The following SWAP70 variants were observed in gnomAD, a reference collection of about 807,000 sequenced individuals.
SWAP70 encodes the protein switching B cell complex subunit SWAP70.
In SWAP70, 34 loss-of-function variants were observed where a neutral mutation model predicts 80.2. The observed-to-expected ratio is 0.42, with a 90% CI of 0.32 to 0.56. The LOEUF (loss-of-function observed/expected upper bound fraction) is 0.56, where lower values mean the gene tolerates loss of function less well. Among genes scored for constraint, SWAP70 ranks in the 20% least tolerant of loss-of-function variants. The probability of loss-of-function intolerance (pLI) is 0.09; values close to 1 mark genes in which losing one functional copy is unlikely to be tolerated. For missense variants in SWAP70, 578 were observed against 690.7 expected, an observed-to-expected ratio of 0.84 and a Z score of 1.83; for synonymous variants, 239 against 238.5, an observed-to-expected ratio of 1.00 and a Z score of -0.02.
intron 1 of SWAP70, among the ~76,000 whole-genome samples, chr11:9,680,747 A>G (rs1215460672): frequency 6.6e-6 from 1 of 151,956 alleles, no homozygotes; most frequent in Non-Finnish European, 1.5e-5. Context: ...TGGATATAGT[A>G]TTTAAGTTAA....
At chr11:9,673,976 T>C (rs976055037) in intron 1 of SWAP70, among the ~76,000 whole-genome samples, 6 of 152,202 alleles carry the variant, frequency 3.9e-5, no homozygotes, top group Admixed American at 3.9e-4. Context: ...CTTGGCTCAC[T>C]GCAACCTCTG....
intron 1 of SWAP70, among the ~76,000 whole-genome samples, chr11:9,686,600 T>G (rs1361361665): frequency 2.0e-5 from 3 of 151,868 alleles, no homozygotes; most frequent in Non-Finnish European, 2.9e-5. Context: ...CCTCCTCCCT[T>G]GGCCTCCCTC....
intron 1 of SWAP70, among the ~76,000 whole-genome samples, chr11:9,672,708 T>A (rs1260034312): frequency 1.3e-5 from 2 of 152,046 alleles, no homozygotes; most frequent in Non-Finnish European, 2.9e-5. Context: ...AGAATGGTAT[T>A]CGTTTAGATA....
intron 1 of SWAP70, among the ~76,000 whole-genome samples, chr11:9,686,864 G>C (rs867912205): frequency 2.6e-4 from 39 of 152,088 alleles, no homozygotes; most frequent in Admixed American, 1.2e-3. Flanking sequence ...TACCTGCCCT[G>C]TCCCCCAAAC....
intron 5 of SWAP70, among the ~76,000 whole-genome samples, chr11:9,728,808 T>G (rs189768419): frequency 1.1e-3 from 172 of 152,328 alleles, no homozygotes; most frequent in African/African-American, 4.0e-3. Context: ...TAATAATGTC[T>G]TGAGATGTGT....
rs116560099 is a variant in SWAP70, at chr11:9,689,947, G to A, written c.100-4199G>A. On this transcript the variant is annotated intron_variant, in intron 1 of 11. Transcript: ENST00000318950. ...ACAACTCACGGGCGTGTCCATCTTTGTATTGGCAGGGCTATCTGTTTTTCC... is the reference window on the plus strand; with the variant it reads ...ACAACTCACGGGCGTGTCCATCTTTATATTGGCAGGGCTATCTGTTTTTCC... Among the ~76,000 whole-genome samples, 478 of 152,270 alleles carry A rather than the reference G, an allele frequency of 3.1e-3. 1 individual carries two copies. The highest frequency in any genetic ancestry group is 0.011 in the African/African-American group (437 of 41,550).
intron 2 of SWAP70, among the ~76,000 whole-genome samples, chr11:9,700,679 TTAACTG>T (rs1243757516): frequency 1.3e-5 from 2 of 152,200 alleles, no homozygotes; most frequent in African/African-American, 4.8e-5. Flanking sequence ...CAGTGTTTCT[TTAACTG>T]TACTATTGAA....
At chr11:9,709,420 C>T (rs2134469501) in intron 2 of SWAP70, among the ~76,000 whole-genome samples, 1 of 152,392 alleles carries the variant, frequency 6.6e-6, no homozygotes, top group South Asian at 2.1e-4. Flanking sequence ...TGAGCCACCA[C>T]ACCTTGCTGA....
rs1434921760 is a variant in SWAP70 at position 9,751,424 on chromosome 11, A to G, written c.*1454A>G. ...GAAATCAAGCCTTCTAACACTAGTT[A>G]TAATTGAGAAGCAACAGTAACTCCG... is the stretch of plus-strand genomic sequence containing the variant. On this transcript the variant is annotated 3_prime_UTR_variant, in exon 12 of 12. Transcript: ENST00000318950. 6.6e-6 allele frequency: 1 copy of G among 152,258 alleles called. No individual in the cohort carries two copies. The highest frequency in any genetic ancestry group is 1.5e-5 in the Non-Finnish European group (1 of 68,042). The allele number at this position is 152,258 out of a possible 1,614,324, so 9.4% of individuals were successfully genotyped here.
At chr11:9,731,957 A>C (rs901141946) in intron 6 of SWAP70, among the ~76,000 whole-genome samples, 2 of 152,238 alleles carry the variant, frequency 1.3e-5, no homozygotes, top group Non-Finnish European at 2.9e-5. Context: ...GTTGTATAAC[A>C]GTTAGATAAT....
At chr11:9,678,347 G>A (rs551134274) in intron 1 of SWAP70, among the ~76,000 whole-genome samples, 5 of 151,956 alleles carry the variant, frequency 3.3e-5, no homozygotes, top group East Asian at 3.9e-4. Context: ...AAATAGTAAG[G>A]GCAGCTCTCT....
At chr11:9,669,378 C>T (rs1199495013) in intron 1 of SWAP70, among the ~76,000 whole-genome samples, 1 of 152,148 alleles carries the variant, frequency 6.6e-6, no homozygotes, top group Non-Finnish European at 1.5e-5. Flanking sequence ...TACAGATGTG[C>T]ACCACCATGT....
intron 7 of SWAP70, among the ~76,000 whole-genome samples, chr11:9,737,466 T>TA (rs1851377512): frequency 6.6e-6 from 1 of 152,220 alleles, no homozygotes; most frequent in South Asian, 2.1e-4. Context: ...TTTCACCAGT[T>TA]ATGGTTGTTT....
chr11:9,733,243 C>G (rs947198475), intron 7 of SWAP70, among the ~76,000 whole-genome samples: 1 of 152,200 alleles, frequency 6.6e-6, no homozygotes, highest in Admixed American at 6.5e-5. Context: ...GGGAACACTT[C>G]CTCGGTTATG....
At chr11:9,747,703 A>G (rs1448875099) in intron 9 of SWAP70, among the ~76,000 whole-genome samples, 155 bp from the exon 10 acceptor site, 1 of 152,254 alleles carries the variant, frequency 6.6e-6, no homozygotes, top group Non-Finnish European at 1.5e-5. Flanking sequence ...AGCTTTGTGA[A>G]TATGAGCTTC....
At chr11:9,669,207 A>T (rs764005593) in intron 1 of SWAP70, among the ~76,000 whole-genome samples, 1 of 152,200 alleles carries the variant, frequency 6.6e-6, no homozygotes, top group Non-Finnish European at 1.5e-5. Context: ...GGATGTGATT[A>T]TGTAGGAATG....
At chr11:9,705,400 C>CTGGTGATCTGTGTACACT in intron 2 of SWAP70, among the ~76,000 whole-genome samples, 1 of 132,880 alleles carries the variant, frequency 7.5e-6, no homozygotes, top group Admixed American at 7.1e-5. Context: ...TCTGTATACA[C>CTGGTGATCTGTGTACACT]TGGTGATCTG....
chr11:9,728,080 C>A lies in SWAP70; in HGVS notation c.670C>A (p.Arg224=). ...TTACATGATGAAAAAGGGCCACAGA[C>A]GGAAAAACTGGACTGAAAGATGGTT... ...QGYMMKKGHR[R]KNWTERWFVL... The change falls in exon 5 of 12, where the codon CGG becomes AGG. Residue 224 remains arginine (R), a synonymous_variant. Coordinates refer to ENST00000318950, the MANE Select transcript of SWAP70 (RefSeq NM_015055.4). 6.2e-7 allele frequency: 1 copy of A among 1,609,634 alleles called. No homozygotes were observed. Among genetic ancestry groups the A allele is most frequent in the Non-Finnish European group, 8.5e-7 (1 of 1,178,218 alleles).
Position 9,667,255 on chromosome 11 carries a change from A to T in SWAP70, c.99+2977A>T, listed in dbSNP as rs933945092. Among the ~76,000 whole-genome samples, 406 of 151,176 alleles carry T rather than the reference A, an allele frequency of 2.7e-3. 1 individual carries two copies. The highest frequency in any genetic ancestry group is 4.6e-3 in the Non-Finnish European group (312 of 67,668). On this transcript the variant is annotated intron_variant, in intron 1 of 11. Transcript: ENST00000318950. ...TTCTGTGTGTGTGTGTGTGTGAGAG[A>T]GAGAGAGAGAGAGAGAGACAGGGTC...
Sources: allele counts gnomAD v4.1 joint callset (sites outside exome capture counted in the v4.1 genomes callset), GRCh38; gene constraint gnomAD v4.1.1; transcripts MANE v1.5; gene names NCBI Gene and HGNC (gene_info 2026-07-23, HGNC 2026-07-21).